Variants in ARHGAP42 observed in about 807,000 individuals in gnomAD.
ARHGAP42 encodes rho GTPase-activating protein 42.
A neutral mutation model predicts 125.0 loss-of-function variants in ARHGAP42; 63 were observed. That is an observed-to-expected ratio of 0.50 (90% CI 0.41 to 0.62). ARHGAP42 has a LOEUF of 0.62. Among genes scored for constraint, ARHGAP42 ranks in the 20% least tolerant of loss-of-function variants. The pLI, the probability that ARHGAP42 is intolerant of heterozygous loss-of-function variation, is 0.00. For missense variants in ARHGAP42, 766 were observed against 1,024.2 expected (o/e 0.75, Z 3.44); for synonymous variants, 339 against 351.0 (o/e 0.97, Z 0.38).
At chr11:100,854,952 G>T (rs993417355) in intron 3 of ARHGAP42, among the ~76,000 whole-genome samples, 3 of 152,166 alleles carry the variant, frequency 2.0e-5, no homozygotes, top group Non-Finnish European at 1.5e-5. Flanking sequence ...GTCGAAGACG[G>T]TGTAGATAGC....
At chr11:100,815,824 C>G (rs774216023) in intron 3 of ARHGAP42, among the ~76,000 whole-genome samples, 6 of 152,178 alleles carry the variant, frequency 3.9e-5, no homozygotes, top group Non-Finnish European at 7.4e-5. Context: ...CCCACAGCCC[C>G]TGGCAATCAC....
intron 1 of ARHGAP42, among the ~76,000 whole-genome samples, chr11:100,721,971 G>C (rs1861766160): frequency 6.6e-6 from 1 of 152,154 alleles, no homozygotes; most frequent in Admixed American, 6.5e-5. Context: ...TGAGGAGTAT[G>C]GTTGCTGGAT....
intron 1 of ARHGAP42, among the ~76,000 whole-genome samples, chr11:100,701,883 A>G (rs1257144438): frequency 6.6e-6 from 1 of 152,088 alleles, no homozygotes; most frequent in Non-Finnish European, 1.5e-5. Context: ...AATTTCCTTC[A>G]AGAACTTTTC....
intron 5 of ARHGAP42, among the ~76,000 whole-genome samples, chr11:100,914,121 G>A (rs1867002477): frequency 6.6e-6 from 1 of 152,024 alleles, no homozygotes; most frequent in Non-Finnish European, 1.5e-5. Context: ...TTTTAATGGA[G>A]ACGGGGTTTC....
At chr11:100,949,106 A>G (rs1868102744) in intron 11 of ARHGAP42, among the ~76,000 whole-genome samples, 1 of 152,128 alleles carries the variant, frequency 6.6e-6, no homozygotes, top group African/African-American at 2.4e-5. Flanking sequence ...GTTTTCTTAA[A>G]GAACACTGTT....
Position 100,973,408 on chromosome 11 carries a change from T to G in ARHGAP42, c.1710+74T>G, listed in dbSNP as rs527744909. The G allele has an allele frequency of 4.3e-5, 61 of 1,426,928 alleles. 1 individual carries two copies. The South Asian group carries it at 7.6e-4, about 18-fold the overall frequency. 88.4% of individuals were successfully genotyped at this position (1,426,928 alleles called of 1,614,324 possible). A position where few individuals can be genotyped will look rare whatever the true frequency, so the allele number is the denominator to read the frequency against. ...ATAAAGGAATTTTGCATTTGATCTG[T>G]GAGCTCATGAGTTTTGTATAAATTA... On this transcript the variant is annotated intron_variant, in intron 18 of 23. Transcript: ENST00000298815.
At chr11:100,779,764 A>T (rs1005464077) in intron 2 of ARHGAP42, among the ~76,000 whole-genome samples, 1 of 151,436 alleles carries the variant, frequency 6.6e-6, no homozygotes, top group East Asian at 2.0e-4. Context: ...GGTGACTCAC[A>T]TCTGTAATCC....
chr11:100,751,095 C>CGG (rs1565555203), intron 1 of ARHGAP42, among the ~76,000 whole-genome samples: 1 of 151,290 alleles, frequency 6.6e-6, no homozygotes, highest in Non-Finnish European at 1.5e-5. Context: ...CCTGCCACCA[C>CGG]GCCTGGCTAA....
At chr11:100,907,571 C>T (rs1243987371) in intron 4 of ARHGAP42, among the ~76,000 whole-genome samples, 1 of 152,090 alleles carries the variant, frequency 6.6e-6, no homozygotes, top group African/African-American at 2.4e-5. Context: ...TGGAATCACC[C>T]ACAGGAGAGA....
At chr11:100,921,444 C>T in intron 5 of ARHGAP42, 50 bp from the exon 6 acceptor site, 1 of 1,306,240 alleles carries the variant, frequency 7.7e-7, no homozygotes. Context: ...GGAATTGAGT[C>T]CCTCTCTATG....
intron 6 of ARHGAP42, among the ~76,000 whole-genome samples, chr11:100,926,614 C>A (rs1001359933): frequency 6.6e-6 from 1 of 152,176 alleles, no homozygotes; most frequent in African/African-American, 2.4e-5. Context: ...AAATATGGCA[C>A]ACTTTACAAA....
At position 100,933,227 on chromosome 11, in the gene ARHGAP42, G is replaced by T; in HGVS notation, c.669G>T (p.Pro223=). The change falls in exon 7 of 24, where the codon CCG becomes CCT. Residue 223 remains proline, a synonymous_variant. Coordinates refer to ENST00000298815, the MANE Select transcript of ARHGAP42 (RefSeq NM_152432.4). ...EGYELAQEFA[P]YKQQLQFNLQ... is the part of the protein sequence containing the mutation. ...ATGAACTTGCCCAGGAATTTGCACC[G>T]TATAAGCAACAGCTGCAGTTCAACT... 1 of 1,550,468 alleles carries T rather than the reference G, an allele frequency of 6.4e-7. No homozygotes were observed. Among genetic ancestry groups the T allele is most frequent in the South Asian group, 1.2e-5 (1 of 83,974 alleles).
intron 1 of ARHGAP42, among the ~76,000 whole-genome samples, chr11:100,768,106 A>G (rs1862874506): frequency 6.6e-6 from 1 of 152,176 alleles, no homozygotes; most frequent in Non-Finnish European, 1.5e-5. Flanking sequence ...ATGTCTAGGC[A>G]TAGGACCACA....
intron 1 of ARHGAP42, among the ~76,000 whole-genome samples, chr11:100,762,970 A>ATTTTTTTTTTTTTTTTTTTTTTTTTT: frequency 1.2e-5 from 1 of 84,992 alleles, no homozygotes; most frequent in Non-Finnish European, 2.2e-5. Context: ...GTTTATAGTG[A>ATTTTTTTTTTTTTTTTTTTTTTTTTT]TTTTTTTTTT....
chr11:100,945,872 C>A (rs1202506719), intron 10 of ARHGAP42, among the ~76,000 whole-genome samples: 1 of 152,062 alleles, frequency 6.6e-6, no homozygotes, highest in Non-Finnish European at 1.5e-5. Context: ...TCACCAGTTA[C>A]ATTAACCTCT....
chr11:100,867,671 T>C (rs1257124536), intron 4 of ARHGAP42, among the ~76,000 whole-genome samples: 1 of 152,270 alleles, frequency 6.6e-6, no homozygotes, highest in Non-Finnish European at 1.5e-5. Context: ...ACCATTTGTG[T>C]GTTCACTGGA....
At chr11:100,941,628 C>T (rs1470634514) in intron 8 of ARHGAP42, among the ~76,000 whole-genome samples, 156 bp from the exon 9 acceptor site, 1 of 147,374 alleles carries the variant, frequency 6.8e-6, no homozygotes, top group Non-Finnish European at 1.5e-5. Flanking sequence ...CCCTATACCG[C>T]TGTCCCTCTG....
At chr11:100,783,897 A>G (rs917145300) in intron 2 of ARHGAP42, among the ~76,000 whole-genome samples, 1 of 152,204 alleles carries the variant, frequency 6.6e-6, no homozygotes, top group East Asian at 1.9e-4. Flanking sequence ...CATGAATCAA[A>G]TCATCTTGTA....
intron 3 of ARHGAP42, among the ~76,000 whole-genome samples, chr11:100,800,889 C>T (rs1489937220): frequency 2.0e-5 from 3 of 152,156 alleles, no homozygotes; most frequent in African/African-American, 7.2e-5. Flanking sequence ...ACACTTCAGT[C>T]ACATAAGTTA....
Sources: allele counts gnomAD v4.1 joint callset (sites outside exome capture counted in the v4.1 genomes callset), GRCh38; gene constraint gnomAD v4.1.1; transcripts MANE v1.5; gene names NCBI Gene and HGNC (gene_info 2026-07-23, HGNC 2026-07-21).